Variants in GRID2 observed in about 807,000 individuals in gnomAD.
GRID2 encodes glutamate ionotropic receptor delta type subunit 2.
Under a neutral mutation model 114.8 loss-of-function variants are expected in GRID2, and 33 were observed. The ratio of observed to expected loss-of-function variants is 0.29; its 90% CI spans 0.22 to 0.38. The LOEUF (loss-of-function observed/expected upper bound fraction) is 0.38. GRID2 is among the 10% of genes least tolerant of loss of function. The pLI is 1.00. For synonymous variants in GRID2, 505 were observed against 449.9 expected (o/e 1.12, Z -1.55); for missense variants, 1,184 against 1,257.7 (o/e 0.94, Z 0.89).
intron 1 of GRID2, among the ~76,000 whole-genome samples, chr4:92,469,921 T>C (rs62310663): frequency 0.16 from 24,974 of 151,900 alleles, 2,491 homozygotes; most frequent in Middle Eastern, 0.25. Context: ...CAAATTAGTT[T>C]AATAGGATAC....
intron 2 of GRID2, among the ~76,000 whole-genome samples, chr4:92,597,184 C>T (rs1368806191): frequency 6.6e-6 from 1 of 151,876 alleles, no homozygotes; most frequent in Non-Finnish European, 1.5e-5. Context: ...CCTTAGAAAA[C>T]TTACAATCAT....
intron 2 of GRID2, among the ~76,000 whole-genome samples, chr4:92,608,605 TCA>T (rs1729573643): frequency 6.6e-6 from 1 of 151,848 alleles, no homozygotes; most frequent in African/African-American, 2.4e-5. Context: ...GTGCTATAAC[TCA>T]GAGTGTCATG....
intron 14 of GRID2, among the ~76,000 whole-genome samples, chr4:93,680,791 A>C (rs1725444777): frequency 6.6e-6 from 1 of 152,124 alleles, no homozygotes; most frequent in African/African-American, 2.4e-5. Context: ...AAATAATAAG[A>C]GCTATCTGTG....
intron 13 of GRID2, among the ~76,000 whole-genome samples, chr4:93,624,321 T>C (rs967985053): frequency 6.6e-5 from 10 of 152,276 alleles, no homozygotes; most frequent in Admixed American, 1.3e-4. Flanking sequence ...TAGATTGCAA[T>C]CATAGTTTTG....
chr4:92,925,943 T>G (rs1305334592), intron 2 of GRID2, among the ~76,000 whole-genome samples: 1 of 152,042 alleles, frequency 6.6e-6, no homozygotes, highest in East Asian at 1.9e-4. Flanking sequence ...TCCCATCATT[T>G]GTGTGTTTTT....
intron 1 of GRID2, among the ~76,000 whole-genome samples, chr4:93,797,038 G>A (rs185650775): frequency 2.3e-4 from 35 of 152,298 alleles, no homozygotes; most frequent in South Asian, 1.9e-3. Context: ...AGGTATAGCC[G>A]ATTGCTCTAG....
intron 2 of GRID2, among the ~76,000 whole-genome samples, chr4:92,728,787 T>C (rs1736184486): frequency 6.6e-6 from 1 of 151,984 alleles, no homozygotes; most frequent in South Asian, 2.1e-4. Flanking sequence ...CTTATCATAA[T>C]GTTGAAACAG....
chr4:92,753,760 C>A lies in GRID2; in HGVS notation c.244+163474C>A, dbSNP rs1345747294. Among the ~76,000 whole-genome samples, 3 of 151,966 alleles carry A rather than the reference C, an allele frequency of 2.0e-5. No individual in the cohort carries two copies. In the East Asian group the frequency reaches 5.8e-4, roughly 29 times the overall value. ...TTACTGTCAGTTTGAGGAAAGAAGG[C>A]AATTCAAGTACATGAAAGACTGTGG... On this transcript the variant is annotated intron_variant, in intron 2 of 15. Coordinates refer to ENST00000282020, the MANE Select transcript of GRID2 (RefSeq NM_001510.4).
At chr4:93,054,670 G>T (rs1337694562) in intron 2 of GRID2, among the ~76,000 whole-genome samples, 3 of 151,786 alleles carry the variant, frequency 2.0e-5, no homozygotes, top group African/African-American at 2.4e-5. Context: ...TCCCTGCTTT[G>T]GTAGAGTCTC....
At chr4:93,276,755 A>T (rs969480469) in intron 8 of GRID2, among the ~76,000 whole-genome samples, 1 of 151,906 alleles carries the variant, frequency 6.6e-6, no homozygotes, top group African/African-American at 2.4e-5. Context: ...ATTTTTGTAC[A>T]TTGAACTTGT....
At chr4:92,403,276 T>C (rs2110284964) in intron 1 of GRID2, among the ~76,000 whole-genome samples, 1 of 152,276 alleles carries the variant, frequency 6.6e-6, no homozygotes, top group African/African-American at 2.4e-5. Flanking sequence ...GTAGTACTTT[T>C]AATTTCTTTC....
intron 8 of GRID2, among the ~76,000 whole-genome samples, chr4:93,310,783 C>G (rs1755930020): frequency 2.0e-5 from 3 of 152,030 alleles, no homozygotes; most frequent in African/African-American, 4.8e-5. Flanking sequence ...GTCTGGGATC[C>G]AGGAGTTTAA....
chr4:93,256,479 A>T (rs1749603798), intron 8 of GRID2, among the ~76,000 whole-genome samples: 1 of 151,590 alleles, frequency 6.6e-6, no homozygotes, highest in South Asian at 2.1e-4. Context: ...TGGGGCTGTT[A>T]TATCAATCCC....
chr4:92,365,762 A>G (rs1322850587), intron 1 of GRID2, among the ~76,000 whole-genome samples: 2 of 152,074 alleles, frequency 1.3e-5, no homozygotes, highest in Non-Finnish European at 2.9e-5. Flanking sequence ...TAATACAATT[A>G]TGACTTGTTT....
At chr4:93,248,008 T>G (rs1748396996) in intron 8 of GRID2, among the ~76,000 whole-genome samples, 1 of 151,896 alleles carries the variant, frequency 6.6e-6, no homozygotes. Flanking sequence ...GAGGCAAAGT[T>G]TAGTTTCCTT....
chr4:93,281,629 T>G (rs2149586396), intron 8 of GRID2, among the ~76,000 whole-genome samples: 1 of 152,098 alleles, frequency 6.6e-6, no homozygotes, highest in African/African-American at 2.4e-5. Flanking sequence ...TTTGGGAAAT[T>G]TAGGTCTTCA....
chr4:93,383,890 C>T (rs1277945871), intron 8 of GRID2, among the ~76,000 whole-genome samples: 1 of 152,130 alleles, frequency 6.6e-6, no homozygotes, highest in Non-Finnish European at 1.5e-5. Flanking sequence ...ATCACTTCTG[C>T]CACATTTTAC....
At chr4:93,090,753 A>G (rs1730714393) in intron 3 of GRID2, among the ~76,000 whole-genome samples, 1 of 152,160 alleles carries the variant, frequency 6.6e-6, no homozygotes, top group South Asian at 2.1e-4. Context: ...GGTAATCTTC[A>G]TACAAAAGTT....
intron 1 of GRID2, among the ~76,000 whole-genome samples, chr4:92,310,410 C>T (rs968834238): frequency 4.0e-5 from 6 of 151,772 alleles, no homozygotes; most frequent in African/African-American, 1.4e-4. Context: ...TTGCCCTATG[C>T]CAAAGTTCAT....
Sources: gnomAD v4.1 joint callset for allele counts (sites outside exome capture counted in the v4.1 genomes callset) on GRCh38, gnomAD v4.1.1 for gene constraint, MANE v1.5 for transcripts, NCBI Gene and HGNC (gene_info 2026-07-23, HGNC 2026-07-21) for gene names.